FOXK1: variants seen among roughly 807,000 people sequenced by gnomAD.
FOXK1 encodes forkhead box protein K1.
Under a neutral mutation model 51.9 loss-of-function variants are expected in FOXK1, and 19 were observed. The ratio of observed to expected loss-of-function variants is 0.37; its 90% CI spans 0.26 to 0.54. The LOEUF (loss-of-function observed/expected upper bound fraction) is 0.54. Among genes scored for constraint, FOXK1 ranks in the 20% least tolerant of loss-of-function variants. The probability of loss-of-function intolerance (pLI) is 0.87; values close to 1 mark genes in which losing one functional copy is unlikely to be tolerated. For missense variants in FOXK1, 870 were observed against 1,032.7 expected, an observed-to-expected ratio of 0.84 and a Z score of 2.16; for synonymous variants, 537 against 482.6, an observed-to-expected ratio of 1.11 and a Z score of -1.48.
chr7:4,756,923 G>T lies in FOXK1; in HGVS notation c.1051-71G>T. The stretch of plus-strand genomic sequence containing the variant: ...CCCTCACCCTGGTCCCGCATCTGCT[G>T]CAGATTTGAGGTGGGTGGGACTCAT... On this transcript the variant is annotated intron_variant, in intron 4 of 8. Coordinates refer to ENST00000328914, the MANE Select transcript of FOXK1 (RefSeq NM_001037165.2). This position sits in a 1 kb window ranked among gnomAD's most constrained non-coding sequence, Gnocchi z 4.1. The T allele has an allele frequency of 6.5e-7, 1 of 1,534,388 alleles. No individual in the cohort carries two copies. Among genetic ancestry groups the T allele is most frequent in the Non-Finnish European group, 8.9e-7 (1 of 1,126,656 alleles).
chr7:4,736,951 C>A (rs552498569), intron 1 of FOXK1, among the ~76,000 whole-genome samples: 1 of 152,338 alleles, frequency 6.6e-6, no homozygotes, highest in South Asian at 2.1e-4. Flanking sequence ...CTTTCCACCC[C>A]ACTGGAGTTG....
chr7:4,742,594 T>C (rs2115062298), intron 2 of FOXK1, among the ~76,000 whole-genome samples: 1 of 152,158 alleles, frequency 6.6e-6, no homozygotes. Flanking sequence ...TTTTCTTATC[T>C]TTTGTAGAGA....
At chr7:4,714,509 A>G (rs993562858) in intron 1 of FOXK1, among the ~76,000 whole-genome samples, 1 of 152,036 alleles carries the variant, frequency 6.6e-6, no homozygotes, top group Admixed American at 6.5e-5. Flanking sequence ...TCCTGAGCTC[A>G]AGCTATCCGC....
Position 4,740,827 on chromosome 7 carries a change from T to C in FOXK1, c.561-11T>C. 1 of 1,589,510 alleles carries C rather than the reference T, an allele frequency of 6.3e-7. No individual in the cohort carries two copies. Among genetic ancestry groups the C allele is most frequent in the Non-Finnish European group, 8.5e-7 (1 of 1,169,696 alleles). On this transcript the variant is annotated splice_polypyrimidine_tract_variant and intron_variant, in intron 1 of 8. Transcript: ENST00000328914. ...TCCTGCACCTCACACCCGCTCCTCC[T>C]CCTGTTGCAGGTGTACCTTCCGGTT...
rs899665852 is a variant in FOXK1, at chr7:4,707,747, C to T, written c.560+24879C>T. Among the ~76,000 whole-genome samples, 3 of 151,706 alleles carry T rather than the reference C, an allele frequency of 2.0e-5. No homozygotes were observed. The highest frequency in any genetic ancestry group is 1.9e-4 in the East Asian group (1 of 5,172). The stretch of plus-strand genomic sequence containing the variant: ...TTGCCCAGGCTGGAGTGCAGTGGCA[C>T]GATCGTGGCTCTCTGCAACCTCCGC... On this transcript the variant is annotated intron_variant, in intron 1 of 8. Coordinates refer to ENST00000328914, the MANE Select transcript of FOXK1 (RefSeq NM_001037165.2). The surrounding 1 kb of genome is among the most constrained non-coding windows in gnomAD (Gnocchi z 4.1).
intron 1 of FOXK1, among the ~76,000 whole-genome samples, chr7:4,705,552 T>TCTCTCTCTCGCTCTCG (rs1780076728): frequency 2.1e-5 from 3 of 143,690 alleles, no homozygotes; most frequent in African/African-American, 5.4e-5. Flanking sequence ...TCTCTCTCTC[T>TCTCTCTCTCGCTCTCG]CTCTCTCGCT....
At chr7:4,740,756 CA>C in intron 1 of FOXK1, 81 bp from the exon 2 acceptor site, 2 of 1,412,556 alleles carry the variant, frequency 1.4e-6, no homozygotes, top group Non-Finnish European at 1.9e-6. Context: ...TACTTAGACA[CA>C]CAGACACGCA....
chr7:4,686,588 T>A (rs1779821658), intron 1 of FOXK1, among the ~76,000 whole-genome samples: 1 of 152,164 alleles, frequency 6.6e-6, no homozygotes, highest in Non-Finnish European at 1.5e-5. Flanking sequence ...TTGGAGGAAC[T>A]GCCCGGGTCT....
rs374959543 is a variant in FOXK1 at position 4,731,758 on chromosome 7, C to CAAAAAA, written c.561-9066_561-9061dup. Among the ~76,000 whole-genome samples the CAAAAAA allele has an allele frequency of 1.5e-5, 1 of 68,662 alleles. No individual in the cohort carries two copies. 45.0% of individuals were successfully genotyped at this position (68,662 alleles called of 152,430 possible). ...TGGGCAACAAAGCGAAACTCTGCCT[C>CAAAAAA]AAAAAAAAAAAAAAAAAAAGAAAAC... On this transcript the variant is annotated intron_variant, in intron 1 of 8. Coordinates refer to ENST00000328914, the MANE Select transcript of FOXK1 (RefSeq NM_001037165.2). The surrounding 1 kb of genome is among the most constrained non-coding windows in gnomAD (Gnocchi z 5.3).
rs189930167 is a variant in FOXK1 at position 4,705,780 on chromosome 7, C to A, written c.560+22912C>A. 1.1e-3 allele frequency among the ~76,000 whole-genome samples: 159 copies of A among 150,622 alleles called. 1 individual carries two copies. The East Asian group carries it at 0.023, about 22-fold the overall frequency. On this transcript the variant is annotated intron_variant, in intron 1 of 8. Transcript: ENST00000328914. ...TCTCGATCTCCCAACCTCGTGACCC[C>A]CCCCCGCCTCAGCCTCTCAAAGTGG...
rs368673072 is a variant in FOXK1, at chr7:4,762,341, C to A, written c.2079C>A (p.Ser693=). 8.9e-5 allele frequency: 138 copies of A among 1,550,808 alleles called. No individual in the cohort carries two copies. The highest frequency in any genetic ancestry group is 1.2e-4 in the Non-Finnish European group (137 of 1,146,876). ...TPATATTASA[S]ASSTGEPEVK... is the part of the protein sequence containing the mutation. ...CCACTGCCACCACCGCCTCTGCCTC[C>A]GCCTCTTCCACTGGAGAGCCCGAGG... is the stretch of plus-strand genomic sequence containing the variant. Residue 693 remains serine (S), a synonymous_variant, in exon 9 of 9, where the codon TCC becomes TCA. Coordinates refer to ENST00000328914, the MANE Select transcript of FOXK1 (RefSeq NM_001037165.2). This position sits in a 1 kb window ranked among gnomAD's most constrained non-coding sequence, Gnocchi z 5.7.
At chr7:4,746,319 T>G (rs1446940810) in intron 2 of FOXK1, among the ~76,000 whole-genome samples, 2 of 152,232 alleles carry the variant, frequency 1.3e-5, no homozygotes, top group Admixed American at 6.5e-5. Flanking sequence ...CTTTTGAGTT[T>G]GGAGGTTATT....
In FOXK1 at chr7:4,731,178, T is replaced by G. The variant is rs141469038; in HGVS notation, c.561-9660T>G. Among the ~76,000 whole-genome samples, 4 of 152,274 alleles carry G rather than the reference T, an allele frequency of 2.6e-5. No homozygotes were observed. The highest frequency in any genetic ancestry group is 5.9e-5 in the Non-Finnish European group (4 of 68,008). On this transcript the variant is annotated intron_variant, in intron 1 of 8. Coordinates refer to ENST00000328914, the MANE Select transcript of FOXK1 (RefSeq NM_001037165.2). This position sits in a 1 kb window ranked among gnomAD's most constrained non-coding sequence, Gnocchi z 5.3. The stretch of plus-strand genomic sequence containing the variant: ...TGCTGGTAGGAGGTGGTGAGGGGCC[T>G]CCGAGGTGGTGGGTGAGCATCCCTG...
At chr7:4,712,248 A>G (rs1156421250) in intron 1 of FOXK1, among the ~76,000 whole-genome samples, 2 of 152,054 alleles carry the variant, frequency 1.3e-5, no homozygotes, top group Non-Finnish European at 2.9e-5. Flanking sequence ...GCCTCGGTGC[A>G]GTAATGGACT....
chr7:4,744,167 T>C (rs2115063204), intron 2 of FOXK1, among the ~76,000 whole-genome samples: 1 of 151,786 alleles, frequency 6.6e-6, no homozygotes. Flanking sequence ...CAAATTTGCA[T>C]AGTAAAGTCG....
chr7:4,682,530 C>T lies in FOXK1; in HGVS notation c.222C>T (p.Ser74=). The part of the protein sequence containing the change: ...AIAGAGSSGG[S]SGVSGDSAVA... Reference sequence around the variant, plus strand: ...CGGGCGCGGGCTCCTCCGGGGGCTCCTCCGGGGTATCCGGGGACTCCGCGG... The same window carrying T: ...CGGGCGCGGGCTCCTCCGGGGGCTCTTCCGGGGTATCCGGGGACTCCGCGG... The change falls in exon 1 of 9, where the codon TCC becomes TCT. Residue 74 remains serine, a synonymous_variant. Coordinates refer to ENST00000328914, the MANE Select transcript of FOXK1 (RefSeq NM_001037165.2). The surrounding 1 kb of genome is among the most constrained non-coding windows in gnomAD (Gnocchi z 7.6). The T allele has an allele frequency of 2.2e-5, 25 of 1,122,852 alleles. No homozygotes were observed. Among genetic ancestry groups the T allele is most frequent in the Non-Finnish European group, 2.6e-5 (24 of 921,604 alleles). The allele number at this position is 1,122,852 out of a possible 1,614,324, so 69.6% of individuals were successfully genotyped here. A position where few individuals can be genotyped will look rare whatever the true frequency, so the allele number is the denominator to read the frequency against.
At chr7:4,754,155 G>A (rs1218993593) in intron 2 of FOXK1, among the ~76,000 whole-genome samples, 1 of 152,192 alleles carries the variant, frequency 6.6e-6, no homozygotes, top group African/African-American at 2.4e-5. Flanking sequence ...GGGACCTGAG[G>A]AGGGGCCCCA....
chr7:4,713,488 G>GTTTT (rs56251793), intron 1 of FOXK1, among the ~76,000 whole-genome samples: 2 of 147,470 alleles, frequency 1.4e-5, no homozygotes, highest in Non-Finnish European at 3.0e-5. Flanking sequence ...TAACCACCGT[G>GTTTT]TTTTTTTTTT....
At chr7:4,757,307 T>C (rs1053099012) in intron 5 of FOXK1, 120 bp downstream of exon 5, 2 of 874,902 alleles carry the variant, frequency 2.3e-6, no homozygotes, top group Non-Finnish European at 3.5e-6. Context: ...TGTACGGGCA[T>C]GCAACTGATC....
Sources: gnomAD v4.1 joint callset for allele counts (sites outside exome capture counted in the v4.1 genomes callset) on GRCh38, gnomAD v4.1.1 for gene constraint, Gnocchi (gnomAD v3.1) non-coding constraint, MANE v1.5 for transcripts, NCBI Gene and HGNC (gene_info 2026-07-23, HGNC 2026-07-21) for gene names.